Variants in CAP2 observed in about 807,000 individuals in gnomAD.
CAP2 encodes the protein cyclase associated actin cytoskeleton regulatory protein 2.
A neutral mutation model predicts 57.7 loss-of-function variants in CAP2; 24 were observed. The ratio of observed to expected loss-of-function variants is 0.42; its 90% confidence interval spans 0.30 to 0.58. The LOEUF is 0.58. Ranked by LOEUF, CAP2 falls within the 20% of genes least tolerant of loss-of-function variation. CAP2 has a pLI of 0.22. For synonymous variants in CAP2, 194 were observed against 207.2 expected (o/e 0.94, Z 0.55); for missense variants, 501 against 590.3 (o/e 0.85, Z 1.57).
At chr6:17,425,630 T>G (rs760949558) in intron 2 of CAP2, among the ~76,000 whole-genome samples, 4 of 152,198 alleles carry the variant, frequency 2.6e-5, no homozygotes, top group Non-Finnish European at 5.9e-5. Flanking sequence ...GTTTGGTCTG[T>G]AACTCTGGCC....
At chr6:17,442,002 A>G (rs1760092958) in intron 3 of CAP2, among the ~76,000 whole-genome samples, 1 of 152,132 alleles carries the variant, frequency 6.6e-6, no homozygotes, top group South Asian at 2.1e-4. Flanking sequence ...ACTTCTTTGC[A>G]TAACTCGTTA....
At chr6:17,403,925 G>GT (rs1216072718) in intron 1 of CAP2, among the ~76,000 whole-genome samples, 2 of 152,110 alleles carry the variant, frequency 1.3e-5, no homozygotes, top group Non-Finnish European at 2.9e-5. Flanking sequence ...TCACATTTTG[G>GT]TGACAGTTGC....
At chr6:17,420,072 A>G (rs944794108) in intron 1 of CAP2, among the ~76,000 whole-genome samples, 4 of 151,826 alleles carry the variant, frequency 2.6e-5, no homozygotes, top group African/African-American at 9.7e-5. Context: ...GGGTTTCACC[A>G]TGTAGGCCAG....
chr6:17,516,634 A>T (rs1401850541), intron 7 of CAP2, among the ~76,000 whole-genome samples: 1 of 152,220 alleles, frequency 6.6e-6, no homozygotes, highest in Non-Finnish European at 1.5e-5. Context: ...AAAGAAATTA[A>T]TGTTAACTTG....
intron 7 of CAP2, among the ~76,000 whole-genome samples, chr6:17,529,140 T>C (rs1762577428): frequency 6.6e-6 from 1 of 152,192 alleles, no homozygotes; most frequent in Non-Finnish European, 1.5e-5. Context: ...ACACTCACAT[T>C]ATACAGGATG....
At chr6:17,543,360 GTA>G (rs1164707412) in intron 11 of CAP2, among the ~76,000 whole-genome samples, 1 of 152,150 alleles carries the variant, frequency 6.6e-6, no homozygotes, top group East Asian at 1.9e-4. Context: ...GCTCACGCCC[GTA>G]ACCCTAGCAC....
At chr6:17,512,884 A>C (rs1021945565) in intron 6 of CAP2, among the ~76,000 whole-genome samples, 4 of 152,240 alleles carry the variant, frequency 2.6e-5, no homozygotes, top group African/African-American at 9.6e-5. Flanking sequence ...TTTCAAGGAA[A>C]ACAAAATATG....
At chr6:17,400,691 G>A (rs534133789) in intron 1 of CAP2, among the ~76,000 whole-genome samples, 15 of 151,836 alleles carry the variant, frequency 9.9e-5, no homozygotes, top group Admixed American at 8.5e-4. Flanking sequence ...GTGAAACCCC[G>A]TCTGTACTAA....
At chr6:17,509,148 A>G (rs1252217021) in intron 6 of CAP2, among the ~76,000 whole-genome samples, 1 of 152,202 alleles carries the variant, frequency 6.6e-6, no homozygotes, top group Non-Finnish European at 1.5e-5. Context: ...TATATGGAAT[A>G]TAGAAAAATT....
intron 7 of CAP2, chr6:17,530,833 G>A: frequency 1.7e-6 from 1 of 605,638 alleles, no homozygotes; most frequent in South Asian, 2.8e-5. Context: ...TTTTTTTTCA[G>A]TTTGAGAGCA....
chr6:17,493,314 C>G (rs1374881519), intron 4 of CAP2: 1 of 272,586 alleles, frequency 3.7e-6, no homozygotes, highest in African/African-American at 2.2e-5. Flanking sequence ...GCACCTCTCT[C>G]TCACCTCAAT....
intron 4 of CAP2, among the ~76,000 whole-genome samples, chr6:17,502,014 A>G (rs1761834189): frequency 6.6e-6 from 1 of 152,168 alleles, no homozygotes; most frequent in African/African-American, 2.4e-5. Context: ...AATCAAAGAA[A>G]CCTCAGTGAG....
intron 5 of CAP2, 126 bp downstream of exon 5, chr6:17,507,438 C>T (rs1425606753): frequency 1.5e-5 from 15 of 1,019,788 alleles, no homozygotes; most frequent in Admixed American, 6.8e-5. Context: ...TGAATGCATC[C>T]ACTTTCTCCT....
At chr6:17,444,804 CCACACACACACA>C (rs142931025) in intron 3 of CAP2, among the ~76,000 whole-genome samples, 9 of 140,518 alleles carry the variant, frequency 6.4e-5, no homozygotes, top group East Asian at 4.3e-4. Context: ...TTCTCTCTCT[CCACACACACACA>C]CACACACACA....
intron 7 of CAP2, among the ~76,000 whole-genome samples, chr6:17,528,699 TG>T (rs1762566756): frequency 6.6e-6 from 1 of 152,228 alleles, no homozygotes; most frequent in Non-Finnish European, 1.5e-5. Flanking sequence ...TTCATATTTG[TG>T]GGACTGTCTT....
Position 17,426,643 on chromosome 6 carries a change from G to C in CAP2, c.175G>C (p.Glu59Gln). The change falls in exon 3 of 13, where the codon GAG (glutamate) becomes CAG (glutamine). Residue 59 changes from glutamate to glutamine, a missense_variant. Transcript: ENST00000229922. Reference protein sequence around the residue: ...FDKLMDSMVAEFLKNSRILAG... With the variant: ...FDKLMDSMVAQFLKNSRILAG... The stretch of plus-strand genomic sequence containing the variant: ...CAAGCTGATGGACAGTATGGTGGCC[G>C]AGTTTTTAAAGAACAGTAGGATCCT... 3.1e-6 allele frequency: 5 copies of C among 1,614,058 alleles called. No homozygotes were observed. Among genetic ancestry groups the C allele is most frequent in the Non-Finnish European group, 4.2e-6 (5 of 1,179,970 alleles).
chr6:17,461,852 G>A (rs1760730465), intron 3 of CAP2, among the ~76,000 whole-genome samples: 4 of 150,954 alleles, frequency 2.6e-5, no homozygotes, highest in African/African-American at 9.7e-5. Context: ...AATTAGCCAG[G>A]CGTGGTGGCG....
intron 3 of CAP2, among the ~76,000 whole-genome samples, chr6:17,427,132 T>C (rs567533620): frequency 1.3e-5 from 2 of 151,920 alleles, no homozygotes; most frequent in Admixed American, 1.3e-4. Flanking sequence ...TGGAGAGAGG[T>C]AGTGAGCTGT....
rs750278270 is a variant in CAP2 at position 17,415,295 on chromosome 6, G to A, written c.-1-6260G>A. Among the ~76,000 whole-genome samples the A allele has an allele frequency of 1.7e-4, 26 of 152,158 alleles. 1 individual carries two copies. The highest frequency in any genetic ancestry group is 1.6e-4 in the Non-Finnish European group (11 of 68,028). On this transcript the variant is annotated intron_variant, in intron 1 of 12. Coordinates refer to ENST00000229922, the MANE Select transcript of CAP2 (RefSeq NM_006366.3). ...ACTTGTTTTGTGAACTTGTTGTGAG[G>A]AATTTACAAAACCCTTTAGACAATG...
Sources: gnomAD v4.1 joint callset for allele counts (sites outside exome capture counted in the v4.1 genomes callset) on GRCh38, gnomAD v4.1.1 for gene constraint, MANE v1.5 for transcripts, NCBI Gene and HGNC (gene_info 2026-07-23, HGNC 2026-07-21) for gene names.